LRRTM4: variants seen among roughly 807,000 people sequenced by gnomAD.
LRRTM4 encodes the protein leucine-rich repeat transmembrane neuronal protein 4.
A neutral mutation model predicts 47.6 loss-of-function variants in LRRTM4; 25 were observed. The ratio of observed to expected loss-of-function variants is 0.53; its 90% CI spans 0.38 to 0.73. LRRTM4 has a LOEUF of 0.73. LRRTM4 is among the 30% of genes least tolerant of loss of function. LRRTM4 has a pLI of 0.00. For missense variants in LRRTM4, 638 were observed against 713.4 expected (o/e 0.89, Z 1.20); for synonymous variants, 311 against 269.5 (o/e 1.15, Z -1.51).
At chr2:77,202,722 C>T (rs1177428613) in intron 3 of LRRTM4, among the ~76,000 whole-genome samples, 1 of 151,368 alleles carries the variant, frequency 6.6e-6, no homozygotes, top group African/African-American at 2.4e-5. Context: ...GGTCTTAGGC[C>T]AGTTCCAGGA....
At chr2:76,879,418 T>C (rs188376075) in intron 3 of LRRTM4, among the ~76,000 whole-genome samples, 1 of 152,304 alleles carries the variant, frequency 6.6e-6, no homozygotes, top group Admixed American at 6.5e-5. Flanking sequence ...CTATTCTCTG[T>C]AAATTGAACA....
chr2:77,389,766 A>AT (rs1484129603), intron 3 of LRRTM4, among the ~76,000 whole-genome samples: 1 of 152,034 alleles, frequency 6.6e-6, no homozygotes, highest in African/African-American at 2.4e-5. Flanking sequence ...AGTTAATATA[A>AT]TAGCCAACCT....
chr2:76,886,633 T>C (rs1176873859), intron 3 of LRRTM4, among the ~76,000 whole-genome samples: 1 of 152,054 alleles, frequency 6.6e-6, no homozygotes, highest in South Asian at 2.1e-4. Flanking sequence ...TAAGAGCATT[T>C]GTTAAAATGG....
At chr2:77,102,624 T>A (rs1458018087) in intron 3 of LRRTM4, among the ~76,000 whole-genome samples, 1 of 152,178 alleles carries the variant, frequency 6.6e-6, no homozygotes, top group Non-Finnish European at 1.5e-5. Context: ...CAATTACAGT[T>A]AGTTTCAAGC....
chr2:77,137,892 TG>T (rs1671996606), intron 3 of LRRTM4, among the ~76,000 whole-genome samples: 1 of 152,106 alleles, frequency 6.6e-6, no homozygotes, highest in African/African-American at 2.4e-5. Context: ...CATTACATAA[TG>T]GTGAGGGGAT....
intron 3 of LRRTM4, among the ~76,000 whole-genome samples, chr2:76,786,866 GCTA>G (rs1426575514): frequency 8.1e-6 from 1 of 123,682 alleles, no homozygotes; most frequent in African/African-American, 2.6e-5. Context: ...TTTTCTTTGT[GCTA>G]ATAATAGCAT....
chr2:76,786,538 A>T (rs1379327603), intron 3 of LRRTM4, among the ~76,000 whole-genome samples: 1 of 126,754 alleles, frequency 7.9e-6, no homozygotes, highest in African/African-American at 2.6e-5. Flanking sequence ...TCTTTGAAGG[A>T]GTTGTCTGAT....
intron 3 of LRRTM4, among the ~76,000 whole-genome samples, chr2:77,228,418 C>T (rs971757404): frequency 4.6e-5 from 7 of 152,064 alleles, no homozygotes; most frequent in Admixed American, 6.6e-5. Context: ...ATGGGTTTGG[C>T]GAAGTCCCAT....
intron 3 of LRRTM4, among the ~76,000 whole-genome samples, chr2:77,269,440 G>T (rs1015305165): frequency 6.6e-6 from 1 of 152,030 alleles, no homozygotes. Flanking sequence ...ATGATAAAAA[G>T]AAGACAATTA....
intron 3 of LRRTM4, among the ~76,000 whole-genome samples, chr2:77,411,611 C>A (rs968411753): frequency 7.1e-6 from 1 of 140,090 alleles, no homozygotes; most frequent in Non-Finnish European, 1.5e-5. Flanking sequence ...CGCCACCATG[C>A]CCGGCTATTT....
intron 3 of LRRTM4, among the ~76,000 whole-genome samples, chr2:77,012,439 ATCT>A (rs1215471315): frequency 6.6e-6 from 1 of 152,040 alleles, no homozygotes; most frequent in Non-Finnish European, 1.5e-5. Context: ...TCCACTTTTC[ATCT>A]TCTCCTGTTT....
chr2:76,778,585 T>A (rs1293150550), intron 3 of LRRTM4, among the ~76,000 whole-genome samples: 3 of 152,104 alleles, frequency 2.0e-5, no homozygotes, highest in Admixed American at 1.3e-4. Context: ...TAGTTTGTAT[T>A]TCTGTGGGAT....
intron 3 of LRRTM4, among the ~76,000 whole-genome samples, chr2:76,775,378 T>C (rs986453073): frequency 2.0e-5 from 3 of 152,158 alleles, no homozygotes; most frequent in Admixed American, 2.0e-4. Flanking sequence ...GAATCAGAAA[T>C]GCATTTGAGG....
At chr2:76,930,368 C>A (rs192038859) in intron 3 of LRRTM4, among the ~76,000 whole-genome samples, 2 of 152,134 alleles carry the variant, frequency 1.3e-5, no homozygotes, top group Non-Finnish European at 2.9e-5. Context: ...TGGTTAATAT[C>A]CATCAGCAGT....
rs192173640 is a variant in LRRTM4 at position 77,093,876 on chromosome 2, C to A, written c.1552-344960G>T. Among the ~76,000 whole-genome samples the A allele has an allele frequency of 2.1e-3, 318 of 151,926 alleles. 6 individuals are homozygous for A. The highest frequency in any genetic ancestry group is 0.01 in the Middle Eastern group (3 of 294). On this transcript the variant is annotated intron_variant, in intron 3 of 3. Transcript: ENST00000409884. Reference sequence around the variant, plus strand: ...CCTTGTGAAAGTCCTTTTCCTGGCTCATCCTGGCTCAAAAAACACCCCCAC... The same window carrying A: ...CCTTGTGAAAGTCCTTTTCCTGGCTAATCCTGGCTCAAAAAACACCCCCAC...
intron 3 of LRRTM4, among the ~76,000 whole-genome samples, chr2:77,085,734 T>C (rs1019571259): frequency 2.6e-5 from 4 of 152,208 alleles, no homozygotes; most frequent in African/African-American, 9.6e-5. Flanking sequence ...ATATTCTATG[T>C]CTCTTTTCAG....
At chr2:77,296,423 T>C (rs551882782) in intron 3 of LRRTM4, among the ~76,000 whole-genome samples, 70 of 152,322 alleles carry the variant, frequency 4.6e-4, no homozygotes, top group South Asian at 8.3e-4. Flanking sequence ...ATTACCTTCT[T>C]TGTAATAAGA....
At chr2:76,885,796 A>T (rs1460164885) in intron 3 of LRRTM4, among the ~76,000 whole-genome samples, 5 of 152,086 alleles carry the variant, frequency 3.3e-5, no homozygotes, top group Non-Finnish European at 7.4e-5. Context: ...AAAGCTAAGA[A>T]TTGTCACCAG....
chr2:76,902,070 T>A (rs1172853491), intron 3 of LRRTM4, among the ~76,000 whole-genome samples: 1 of 152,166 alleles, frequency 6.6e-6, no homozygotes, highest in East Asian at 1.9e-4. Context: ...TCTAACTTCC[T>A]CTGGCTAAGG....
Sources: allele counts gnomAD v4.1 joint callset (sites outside exome capture counted in the v4.1 genomes callset), GRCh38; gene constraint gnomAD v4.1.1; transcripts MANE v1.5; gene names NCBI Gene and HGNC (gene_info 2026-07-23, HGNC 2026-07-21).